Variants in IGSF21 observed in about 807,000 individuals in gnomAD.
IGSF21 encodes the protein immunoglobin superfamily member 21.
Under a neutral mutation model 46.8 loss-of-function variants are expected in IGSF21, and 28 were observed. The observed-to-expected ratio is 0.60, with a 90% CI of 0.44 to 0.82. The LOEUF (loss-of-function observed/expected upper bound fraction) is 0.82. IGSF21 is among the 40% of genes least tolerant of loss of function. The pLI is 0.00. For synonymous variants in IGSF21, 284 were observed against 273.6 expected (o/e 1.04, Z -0.38); for missense variants, 624 against 665.5 (o/e 0.94, Z 0.69).
chr1:18,248,372 C>T (rs561351262), intron 2 of IGSF21, among the ~76,000 whole-genome samples: 3 of 152,258 alleles, frequency 2.0e-5, no homozygotes, highest in Non-Finnish European at 4.4e-5. Flanking sequence ...GGCAGCCTGT[C>T]GGAGGTTGAT....
intron 2 of IGSF21, among the ~76,000 whole-genome samples, chr1:18,279,100 C>T (rs369910857): frequency 4.6e-5 from 7 of 152,156 alleles, no homozygotes; most frequent in East Asian, 3.9e-4. Flanking sequence ...CCCATGGGGA[C>T]GTGGCAGGAA....
intron 1 of IGSF21, among the ~76,000 whole-genome samples, chr1:18,224,664 G>A (rs1473999888): frequency 2.0e-5 from 3 of 152,132 alleles, no homozygotes; most frequent in African/African-American, 7.2e-5. Flanking sequence ...CATGCATAAA[G>A]GAAAGACAGG....
chr1:18,110,088 C>T (rs1009794361), intron 1 of IGSF21: 2 of 152,354 alleles, frequency 1.3e-5, no homozygotes, highest in Non-Finnish European at 2.9e-5. Flanking sequence ...TCCCTTTGCC[C>T]GCCTCTGCGG....
At chr1:18,228,466 T>C (rs956378187) in intron 2 of IGSF21, among the ~76,000 whole-genome samples, 3 of 152,194 alleles carry the variant, frequency 2.0e-5, no homozygotes, top group Non-Finnish European at 4.4e-5. Context: ...CGTATAGGAC[T>C]AATCCTGGTG....
intron 2 of IGSF21, among the ~76,000 whole-genome samples, chr1:18,253,292 C>G (rs2084860126): frequency 1.3e-5 from 2 of 152,234 alleles, no homozygotes; most frequent in African/African-American, 4.8e-5. Flanking sequence ...CCTGAGTCAT[C>G]TGATGGGCTA....
intron 3 of IGSF21, among the ~76,000 whole-genome samples, chr1:18,332,447 G>C (rs560977426): frequency 1.3e-5 from 2 of 151,240 alleles, no homozygotes; most frequent in South Asian, 2.1e-4. Flanking sequence ...TGCTCCTACT[G>C]TTTGTAAGCC....
intron 3 of IGSF21, among the ~76,000 whole-genome samples, chr1:18,326,312 C>T (rs571942651): frequency 5.3e-5 from 8 of 152,236 alleles, no homozygotes; most frequent in East Asian, 3.9e-4. Context: ...GCATGGCAGG[C>T]GCAGAAACAG....
Position 18,153,041 on chromosome 1 carries a change from G to A in IGSF21, c.70+44843G>A, listed in dbSNP as rs568830227. On this transcript the variant is annotated intron_variant, in intron 1 of 9. Coordinates refer to ENST00000251296, the MANE Select transcript of IGSF21 (RefSeq NM_032880.5). Reference sequence around the variant, plus strand: ...TGATGTTGATTGCTTGCAGTGTGCCGGCCAACAATGGTGACAGCCCCAGGT... The same window carrying A: ...TGATGTTGATTGCTTGCAGTGTGCCAGCCAACAATGGTGACAGCCCCAGGT... Among the ~76,000 whole-genome samples the A allele has an allele frequency of 7.9e-5, 12 of 152,274 alleles. No homozygotes were observed. The East Asian group carries it at 1.9e-3, about 25-fold the overall frequency.
At chr1:18,250,132 T>TCCCTCCCC in intron 2 of IGSF21, among the ~76,000 whole-genome samples, 1 of 119,450 alleles carries the variant, frequency 8.4e-6, no homozygotes, top group Non-Finnish European at 1.7e-5. Context: ...CCTCCCTCCC[T>TCCCTCCCC]CTCCTGCTCT....
intron 4 of IGSF21, among the ~76,000 whole-genome samples, chr1:18,336,047 C>T (rs1181253255): frequency 6.6e-6 from 1 of 152,172 alleles, no homozygotes; most frequent in African/African-American, 2.4e-5. Context: ...ACTCAGTTTG[C>T]ACCATCAAGG....
chr1:18,309,689 C>T (rs560690980), intron 3 of IGSF21, among the ~76,000 whole-genome samples: 139 of 152,308 alleles, frequency 9.1e-4, no homozygotes, highest in African/African-American at 3.2e-3. Context: ...TGCTGAGGGC[C>T]GGCCTCCTTT....
intron 2 of IGSF21, among the ~76,000 whole-genome samples, chr1:18,251,005 T>C (rs551590340): frequency 7.9e-5 from 12 of 152,154 alleles, no homozygotes; most frequent in African/African-American, 2.9e-4. Flanking sequence ...GAAGCTGAGC[T>C]CTATATGACA....
chr1:18,272,220 A>G (rs1018417931), intron 2 of IGSF21, among the ~76,000 whole-genome samples: 1 of 150,570 alleles, frequency 6.6e-6, no homozygotes, highest in Admixed American at 6.6e-5. Flanking sequence ...ACACTAGAAC[A>G]GTATAGGGGA....
chr1:18,360,086 T>C (rs909888583), intron 4 of IGSF21, among the ~76,000 whole-genome samples: 2 of 152,214 alleles, frequency 1.3e-5, no homozygotes, highest in African/African-American at 4.8e-5. Context: ...GCACACATGT[T>C]AAGAACTCAG....
intron 3 of IGSF21, among the ~76,000 whole-genome samples, chr1:18,327,044 G>T (rs1174613562): frequency 1.3e-5 from 2 of 152,138 alleles, no homozygotes; most frequent in African/African-American, 2.4e-5. Context: ...AGAAAAGAGG[G>T]TCAGGGGCAC....
At chr1:18,354,126 G>T (rs970250571) in intron 4 of IGSF21, among the ~76,000 whole-genome samples, 1 of 152,232 alleles carries the variant, frequency 6.6e-6, no homozygotes, top group Non-Finnish European at 1.5e-5. Flanking sequence ...GCACCCAGAG[G>T]ACAGGCTCTA....
At position 18,109,758 on chromosome 1, in the gene IGSF21, G is replaced by C. The variant is rs1278192321; in HGVS notation, c.70+1560G>C. On this transcript the variant is annotated intron_variant, in intron 1 of 9. Coordinates refer to ENST00000251296, the MANE Select transcript of IGSF21 (RefSeq NM_032880.5). This position sits in a 1 kb window ranked among gnomAD's most constrained non-coding sequence, Gnocchi z 4.8. ...AACTTTGGGAGGAGGGCTCTAGAGG[G>C]AAAGGTTACATGGGGGAGGTCCTCG... 1 of 152,286 alleles carries C rather than the reference G, an allele frequency of 6.6e-6. No homozygotes were observed. Among genetic ancestry groups the C allele is most frequent in the African/African-American group, 2.4e-5 (1 of 41,450 alleles). 9.4% of individuals were successfully genotyped at this position (152,286 alleles called of 1,614,324 possible).
chr1:18,177,392 GGTGTGTGTGT>G lies in IGSF21; in HGVS notation c.71-50471_71-50462del, dbSNP rs3041401. The stretch of plus-strand genomic sequence containing the variant: ...TCGTGTGTGGGGATGGGGTCAGTGA[GGTGTGTGTGT>G]GTGTGTGTGTGTGTGTGTGTGTGTG... On this transcript the variant is annotated intron_variant, in intron 1 of 9. Transcript: ENST00000251296. 2.5e-3 allele frequency among the ~76,000 whole-genome samples: 309 copies of G among 125,028 alleles called. 1 individual carries two copies. The East Asian group carries it at 0.026, about 10-fold the overall frequency. 82.0% of individuals were successfully genotyped at this position (125,028 alleles called of 152,430 possible).
At chr1:18,138,205 G>T (rs2086384699) in intron 1 of IGSF21, among the ~76,000 whole-genome samples, 1 of 152,198 alleles carries the variant, frequency 6.6e-6, no homozygotes, top group African/African-American at 2.4e-5. Flanking sequence ...ATGGGCTACA[G>T]AACCAGTGAG....
Sources: gnomAD v4.1 joint callset for allele counts (sites outside exome capture counted in the v4.1 genomes callset) on GRCh38, gnomAD v4.1.1 for gene constraint, Gnocchi (gnomAD v3.1) non-coding constraint, MANE v1.5 for transcripts, NCBI Gene and HGNC (gene_info 2026-07-23, HGNC 2026-07-21) for gene names.